TFAP2B: variants seen among roughly 807,000 people sequenced by gnomAD.
TFAP2B encodes transcription factor AP-2-beta.
Under a neutral mutation model 44.3 loss-of-function variants are expected in TFAP2B, and 9 were observed. The observed-to-expected ratio is 0.20, with a 90% CI of 0.12 to 0.35. TFAP2B has a LOEUF of 0.35. TFAP2B is among the 10% of genes least tolerant of loss of function. TFAP2B has a pLI of 1.00. For synonymous variants in TFAP2B, 270 were observed against 263.8 expected (o/e 1.02, Z -0.23); for missense variants, 509 against 600.0 (o/e 0.85, Z 1.59).
chr6:50,838,000 T>C lies in TFAP2B; in HGVS notation c.847T>C (p.Ser283Pro). The C allele has an allele frequency of 6.2e-7, 1 of 1,614,126 alleles. No homozygotes were observed. Among genetic ancestry groups the C allele is most frequent in the Non-Finnish European group, 8.5e-7 (1 of 1,180,016 alleles). The change falls in exon 5 of 7, where the codon TCT becomes CCT. Residue 283 changes from serine to proline, a missense_variant. This residue lies in a region of TFAP2B where 45 missense variants were observed against 108.6 expected (regional missense o/e 0.41). Transcript: ENST00000393655. Reference sequence around the variant, plus strand: ...AGCCAAATCGAAAAATGGGGGGAGATCTTTGCGAGAAAGGCTAGAAAAAAT... The same window carrying C: ...AGCCAAATCGAAAAATGGGGGGAGACCTTTGCGAGAAAGGCTAGAAAAAAT... ...RRAKSKNGGRSLRERLEKIGL... is the reference protein window; with the variant it reads ...RRAKSKNGGRPLRERLEKIGL...
chr6:50,819,566 G>A (rs931663090), intron 1 of TFAP2B, among the ~76,000 whole-genome samples: 2 of 152,186 alleles, frequency 1.3e-5, no homozygotes, highest in African/African-American at 4.8e-5. Context: ...CTTCCTTGAG[G>A]GTCACTGCGT....
At chr6:50,825,698 G>A (rs1346436481) in intron 2 of TFAP2B, among the ~76,000 whole-genome samples, 1 of 152,106 alleles carries the variant, frequency 6.6e-6, no homozygotes, top group East Asian at 1.9e-4. Flanking sequence ...TGTTGCTGTC[G>A]GGAATACAGA....
At chr6:50,842,822 G>A (rs987353225) in intron 6 of TFAP2B, among the ~76,000 whole-genome samples, 4 of 152,208 alleles carry the variant, frequency 2.6e-5, no homozygotes, top group Non-Finnish European at 5.9e-5. Context: ...GAGTCCAGGC[G>A]GTCCTGGAAT....
chr6:50,828,971 A>C (rs1266182960), intron 3 of TFAP2B, among the ~76,000 whole-genome samples: 1 of 152,224 alleles, frequency 6.6e-6, no homozygotes, highest in Non-Finnish European at 1.5e-5. Flanking sequence ...TTGAGCTATC[A>C]TCATGTGTGG....
Position 50,843,531 on chromosome 6 carries a change from A to T in TFAP2B, c.*139A>T. 3 of 921,540 alleles carry T rather than the reference A, an allele frequency of 3.3e-6. No homozygotes were observed. Among genetic ancestry groups the T allele is most frequent in the Non-Finnish European group, 4.8e-6 (3 of 624,626 alleles). 57.1% of individuals were successfully genotyped at this position (921,540 alleles called of 1,614,324 possible). ...AATACACATACAATCAAAATTTTAAAAAAAAAAGCTAAATAACTTAAAAAA... is the reference window on the plus strand; with the variant it reads ...AATACACATACAATCAAAATTTTAATAAAAAAAGCTAAATAACTTAAAAAA... On this transcript the variant is annotated 3_prime_UTR_variant, in exon 7 of 7. Transcript: ENST00000393655.
At position 50,823,579 on chromosome 6, in the gene TFAP2B, C is replaced by T. The variant is rs1454701312; in HGVS notation, c.254C>T (p.Pro85Leu). 6.2e-7 allele frequency: 1 copy of T among 1,614,008 alleles called. No homozygotes were observed. The highest frequency in any genetic ancestry group is 2.2e-5 in the East Asian group (1 of 44,872). Reference protein sequence around the residue: ...QPLPYHQSQDPYSHVNDPYSL... With the variant: ...QPLPYHQSQDLYSHVNDPYSL... ...CTCCCCTACCACCAGAGCCAGGACC[C>T]CTACTCCCACGTCAACGACCCCTAC... is the stretch of plus-strand genomic sequence containing the variant. Residue 85 changes from proline to leucine, a missense_variant, in exon 2 of 7, where the codon CCC becomes CTC. Around this residue, in one of 3 missense-constraint regions of TFAP2B, gnomAD observed 296 missense variants for 308.2 expected, o/e 0.96. Transcript: ENST00000393655.
At chr6:50,826,436 G>T (rs1342850367) in intron 2 of TFAP2B, among the ~76,000 whole-genome samples, 1 of 152,160 alleles carries the variant, frequency 6.6e-6, no homozygotes, top group Non-Finnish European at 1.5e-5. Flanking sequence ...TTCACCAAAT[G>T]CTTCTAATAT....
intron 6 of TFAP2B, among the ~76,000 whole-genome samples, chr6:50,842,060 C>T (rs1393436425): frequency 6.6e-6 from 1 of 152,198 alleles, no homozygotes; most frequent in African/African-American, 2.4e-5. Flanking sequence ...GTCGGGCCAA[C>T]CCATTGTGGG....
intron 3 of TFAP2B, 64 bp from the exon 4 acceptor site, chr6:50,835,997 C>G: frequency 7.7e-7 from 1 of 1,300,242 alleles, no homozygotes; most frequent in Non-Finnish European, 1.1e-6. Flanking sequence ...GAGACACATT[C>G]TATCAGCCGG....
intron 1 of TFAP2B, 70 bp downstream of exon 1, chr6:50,819,042 A>G: frequency 1.5e-6 from 2 of 1,378,314 alleles, no homozygotes; most frequent in East Asian, 4.6e-5. Context: ...GATACCCCAA[A>G]TGATATATAT....
At position 50,823,305 on chromosome 6, in the gene TFAP2B, A is replaced by AT. The variant is rs376915860; in HGVS notation, c.82-94dup. The AT allele has an allele frequency of 1.1e-4, 117 of 1,054,682 alleles. 1 individual carries two copies. The highest frequency in any genetic ancestry group is 5.2e-4 in the Admixed American group (26 of 50,220). The allele number at this position is 1,054,682 out of a possible 1,614,324, so 65.3% of individuals were successfully genotyped here. A position where few individuals can be genotyped will look rare whatever the true frequency, so the allele number is the denominator to read the frequency against. On this transcript the variant is annotated intron_variant, in intron 1 of 6. Coordinates refer to ENST00000393655, the MANE Select transcript of TFAP2B (RefSeq NM_003221.4). ...CCGGGCTTCTCCATTTGTCACTTGT[A>AT]TTTTTTTTCTTCCTCTCTGTACTCT...
chr6:50,836,661 C>A (rs1049012558), intron 4 of TFAP2B, among the ~76,000 whole-genome samples: 1 of 151,776 alleles, frequency 6.6e-6, no homozygotes, highest in Non-Finnish European at 1.5e-5. Context: ...AGCCCCCCAG[C>A]CCCCCCACAA....
rs571076202 is a variant in TFAP2B, at chr6:50,828,275, A to G, written c.541-344A>G. Among the ~76,000 whole-genome samples the G allele has an allele frequency of 2.6e-5, 4 of 152,346 alleles. No individual in the cohort carries two copies. In the East Asian group the frequency reaches 7.7e-4, roughly 29 times the overall value. ...GAAAACACAAATTGCTCTTACTAAT[A>G]TTGGTGAAAATCTGTCAGCTGTTGC... On this transcript the variant is annotated intron_variant, in intron 2 of 6. Transcript: ENST00000393655.
intron 1 of TFAP2B, among the ~76,000 whole-genome samples, chr6:50,820,355 A>G (rs1423509699): frequency 6.6e-6 from 1 of 152,050 alleles, no homozygotes; most frequent in Non-Finnish European, 1.5e-5. Context: ...GGCTCGGACG[A>G]GCGCCCACAG....
chr6:50,822,977 A>C (rs980037203), intron 1 of TFAP2B, among the ~76,000 whole-genome samples: 2 of 152,184 alleles, frequency 1.3e-5, no homozygotes, highest in Non-Finnish European at 2.9e-5. Context: ...TACCTCTGGA[A>C]GAGTTAGAAA....
chr6:50,827,502 G>A (rs187106949), intron 2 of TFAP2B, among the ~76,000 whole-genome samples: 6 of 152,290 alleles, frequency 3.9e-5, no homozygotes, highest in African/African-American at 1.4e-4. Context: ...GTTTGGGGTA[G>A]ACAGTCTTTT....
intron 3 of TFAP2B, among the ~76,000 whole-genome samples, chr6:50,833,473 A>G (rs1455136404): frequency 2.0e-5 from 3 of 152,180 alleles, no homozygotes; most frequent in African/African-American, 7.2e-5. Context: ...AAATGGAAAT[A>G]TAGTCCAAAG....
chr6:50,824,846 C>T (rs1364546643), intron 2 of TFAP2B, among the ~76,000 whole-genome samples: 1 of 152,186 alleles, frequency 6.6e-6, no homozygotes, highest in Non-Finnish European at 1.5e-5. Flanking sequence ...TGATTCTGAG[C>T]AGGTCTGCTT....
intron 6 of TFAP2B, among the ~76,000 whole-genome samples, chr6:50,841,846 C>G (rs959079638): frequency 4.6e-5 from 7 of 152,190 alleles, no homozygotes; most frequent in African/African-American, 1.7e-4. Flanking sequence ...AAGGGAGAAT[C>G]GAGGGTGCCT....
Sources: gnomAD v4.1 joint callset for allele counts (sites outside exome capture counted in the v4.1 genomes callset) on GRCh38, gnomAD v4.1.1 for gene constraint, gnomAD v4.1.1 regional missense constraint, MANE v1.5 for transcripts, NCBI Gene and HGNC (gene_info 2026-07-23, HGNC 2026-07-21) for gene names.